The following PTPN5 variants were observed in gnomAD, a reference collection of about 807,000 sequenced individuals.
The protein encoded by PTPN5 is protein tyrosine phosphatase non-receptor type 5.
A neutral mutation model predicts 73.9 loss-of-function variants in PTPN5; 29 were observed. The ratio of observed to expected loss-of-function variants is 0.39; its 90% CI spans 0.29 to 0.54. The LOEUF (loss-of-function observed/expected upper bound fraction) is 0.54, where lower values mean the gene tolerates loss of function less well. Among genes scored for constraint, PTPN5 ranks in the 20% least tolerant of loss-of-function variants. The pLI is 0.65. For synonymous variants in PTPN5, 267 were observed against 304.7 expected (o/e 0.88, Z 1.29); for missense variants, 652 against 751.4 (o/e 0.87, Z 1.55).
intron 2 of PTPN5, among the ~76,000 whole-genome samples, chr11:18,769,403 A>G (rs1850777974): frequency 6.6e-6 from 1 of 151,854 alleles, no homozygotes; most frequent in Non-Finnish European, 1.5e-5. Flanking sequence ...TTTTTAAATT[A>G]ATTAATTAAT....
chr11:18,788,459 T>C (rs1435309946), intron 1 of PTPN5, among the ~76,000 whole-genome samples: 2 of 152,206 alleles, frequency 1.3e-5, no homozygotes, highest in Non-Finnish European at 2.9e-5. Flanking sequence ...TTTGCTCCAG[T>C]TGGAATGAAC....
At chr11:18,789,630 C>G (rs77048639) in intron 1 of PTPN5, among the ~76,000 whole-genome samples, 2 of 152,284 alleles carry the variant, frequency 1.3e-5, no homozygotes, top group African/African-American at 4.8e-5. Context: ...AGCTGCTCAC[C>G]CCCCTCAAAA....
rs1848958868 is a variant in PTPN5 at position 18,733,119 on chromosome 11, C to T, written c.1218+116G>A. ...CGAGCCTCACATCTCCTCATCTTGG[C>T]AGCGGAGTGAACACCGCCGACCTCT... On this transcript the variant is annotated intron_variant, in intron 11 of 14. Transcript: ENST00000358540. The surrounding 1 kb of genome is among the most constrained non-coding windows in gnomAD (Gnocchi z 4.3). 2.8e-6 allele frequency: 4 copies of T among 1,439,320 alleles called. No individual in the cohort carries two copies. The highest frequency in any genetic ancestry group is 9.4e-7 in the Non-Finnish European group (1 of 1,061,356). 89.2% of individuals were successfully genotyped at this position (1,439,320 alleles called of 1,614,324 possible). A position where few individuals can be genotyped will look rare whatever the true frequency, so the allele number is the denominator to read the frequency against.
chr11:18,756,941 A>AAC (rs1850182501), intron 3 of PTPN5, among the ~76,000 whole-genome samples: 1 of 151,366 alleles, frequency 6.6e-6, no homozygotes, highest in Non-Finnish European at 1.5e-5. Flanking sequence ...AAAAAACCAA[A>AAC]AAACAAAAAC....
chr11:18,770,419 GT>G (rs1158525388), intron 2 of PTPN5, among the ~76,000 whole-genome samples: 10 of 152,160 alleles, frequency 6.6e-5, no homozygotes, highest in African/African-American at 2.4e-4. Context: ...GTGCTTTTGT[GT>G]TTGGCTTCTT....
intron 1 of PTPN5, among the ~76,000 whole-genome samples, chr11:18,791,221 C>T (rs975944383): frequency 3.3e-5 from 5 of 152,340 alleles, no homozygotes; most frequent in African/African-American, 1.2e-4. Context: ...CCTCCGCCGG[C>T]CGCAGAGGCT....
chr11:18,745,123 T>C (rs970479245), intron 3 of PTPN5, among the ~76,000 whole-genome samples: 3 of 152,206 alleles, frequency 2.0e-5, no homozygotes, highest in Admixed American at 6.5e-5. Context: ...GCCACCTCAG[T>C]GAGTCCCAGA....
chr11:18,772,186 C>T (rs181505431), intron 1 of PTPN5, 115 bp from the exon 2 acceptor site: 1 of 530,334 alleles, frequency 1.9e-6, no homozygotes, highest in Admixed American at 4.2e-5. Context: ...CACCTTTCTC[C>T]TCCCCTGGTG....
At chr11:18,753,631 C>T (rs1327031038) in intron 3 of PTPN5, among the ~76,000 whole-genome samples, 1 of 152,208 alleles carries the variant, frequency 6.6e-6, no homozygotes, top group Non-Finnish European at 1.5e-5. Context: ...GTATGGGAAG[C>T]AGAAAAGTCT....
Position 18,777,692 on chromosome 11 carries a change from T to C in PTPN5, c.-113-5621A>G, listed in dbSNP as rs149336420. Among the ~76,000 whole-genome samples, 867 of 152,284 alleles carry C rather than the reference T, an allele frequency of 5.7e-3. 9 individuals are homozygous for C. Among genetic ancestry groups the C allele is most frequent in the Middle Eastern group, 0.01 (3 of 294 alleles). On this transcript the variant is annotated intron_variant, in intron 1 of 14. Coordinates refer to ENST00000358540, the MANE Select transcript of PTPN5 (RefSeq NM_006906.2). ...CAGGCATGGTGGCTCACACCTGTAATTCCAGCATTTTAGGAGGCCAAGGCA... is the reference window on the plus strand; with the variant it reads ...CAGGCATGGTGGCTCACACCTGTAACTCCAGCATTTTAGGAGGCCAAGGCA...
chr11:18,736,910 A>G (rs1022579980), intron 9 of PTPN5, among the ~76,000 whole-genome samples: 1 of 152,202 alleles, frequency 6.6e-6, no homozygotes, highest in Admixed American at 6.5e-5. Flanking sequence ...GCATCCCTGA[A>G]TAATGCATCC....
At chr11:18,756,784 T>A (rs1240384203) in intron 3 of PTPN5, among the ~76,000 whole-genome samples, 1 of 148,474 alleles carries the variant, frequency 6.7e-6, no homozygotes, top group East Asian at 2.0e-4. Flanking sequence ...ATTAGCCGGG[T>A]TTGGTGGCGT....
At chr11:18,756,459 G>A (rs957331446) in intron 3 of PTPN5, among the ~76,000 whole-genome samples, 4 of 151,858 alleles carry the variant, frequency 2.6e-5, no homozygotes, top group Non-Finnish European at 5.9e-5. Context: ...ATCATGCCTG[G>A]CTAGTTTTTG....
intron 11 of PTPN5, 78 bp from the exon 12 acceptor site, chr11:18,732,780 G>T: frequency 8.2e-7 from 1 of 1,224,870 alleles, no homozygotes; most frequent in Non-Finnish European, 1.2e-6. Context: ...AGGGCCAGCG[G>T]AGAGATACAC....
intron 3 of PTPN5, among the ~76,000 whole-genome samples, chr11:18,751,442 C>G (rs1042910077): frequency 6.6e-6 from 1 of 152,188 alleles, no homozygotes; most frequent in Non-Finnish European, 1.5e-5. Context: ...CCAGCAAAGG[C>G]AAAAGCAAAC....
At chr11:18,737,997 A>G in intron 8 of PTPN5, 33 bp from the exon 9 acceptor site, 1 of 1,574,266 alleles carries the variant, frequency 6.4e-7, no homozygotes, top group Non-Finnish European at 8.7e-7. Context: ...GTGAGCAGCT[A>G]TGGGCCCTCA....
intron 1 of PTPN5, among the ~76,000 whole-genome samples, chr11:18,772,595 G>T (rs1304733695): frequency 1.3e-5 from 2 of 152,194 alleles, no homozygotes; most frequent in Non-Finnish European, 2.9e-5. Flanking sequence ...CTGAGTGGGA[G>T]AAGTGGGTGC....
chr11:18,745,712 C>T (rs1289575189), intron 3 of PTPN5, among the ~76,000 whole-genome samples: 3 of 152,014 alleles, frequency 2.0e-5, no homozygotes, highest in African/African-American at 4.8e-5. Context: ...GTGCAGGGGC[C>T]CTTCTCTGTG....
At chr11:18,751,549 TC>T (rs1318680116) in intron 3 of PTPN5, among the ~76,000 whole-genome samples, 2 of 152,146 alleles carry the variant, frequency 1.3e-5, no homozygotes, top group East Asian at 3.9e-4. Flanking sequence ...GACCAAGAGA[TC>T]CACGCAAGGA....
Sources: allele counts gnomAD v4.1 joint callset (sites outside exome capture counted in the v4.1 genomes callset), GRCh38; gene constraint gnomAD v4.1.1; non-coding constraint Gnocchi (gnomAD v3.1); transcripts MANE v1.5; gene names NCBI Gene and HGNC (gene_info 2026-07-23, HGNC 2026-07-21).